DSCAML1: variants seen among roughly 807,000 people sequenced by gnomAD.
DSCAML1 encodes the protein cell adhesion molecule DSCAML1.
DSCAML1 carries 38 observed loss-of-function variants against 200.5 expected under a neutral mutation model. The observed-to-expected ratio is 0.19, with a 90% CI of 0.15 to 0.25. DSCAML1 has a LOEUF of 0.25. Ranked by LOEUF, DSCAML1 falls within the 10% of genes least tolerant of loss-of-function variation. The pLI is 1.00. For synonymous variants in DSCAML1, 1,215 were observed against 1,165.0 expected (o/e 1.04, Z -0.87); for missense variants, 2,223 against 2,858.8 (o/e 0.78, Z 5.07).
intron 3 of DSCAML1, among the ~76,000 whole-genome samples, chr11:117,724,790 AC>A (rs1365064519): frequency 6.6e-6 from 1 of 151,466 alleles, no homozygotes; most frequent in Non-Finnish European, 1.5e-5. Flanking sequence ...CCTTCTCCAC[AC>A]CCCCCTGACA....
At position 117,461,583 on chromosome 11, in the gene DSCAML1, G is replaced by A. The variant is rs2048484037; in HGVS notation, c.3279C>T (p.Pro1093=). ...ATTLEDVPSQ[P]PENVRALSIT... is the part of the protein sequence containing the mutation. ...TGGACAGGGCCCGGACGTTCTCAGG[G>A]GGCTGGCTGGGCACTGCAGGGGGTA... The change falls in exon 18 of 33, where the codon CCC becomes CCT. Residue 1093 remains proline (P), a synonymous_variant. Coordinates refer to ENST00000651296, the MANE Select transcript of DSCAML1 (RefSeq NM_020693.4). 6.2e-7 allele frequency: 1 copy of A among 1,613,018 alleles called. No individual in the cohort carries two copies. The highest frequency in any genetic ancestry group is 2.2e-5 in the East Asian group (1 of 44,880).
chr11:117,439,535 G>A (rs1422824214), intron 22 of DSCAML1, 106 bp from the exon 23 acceptor site: 8 of 1,404,522 alleles, frequency 5.7e-6, no homozygotes, highest in South Asian at 5.4e-5. Flanking sequence ...AAGGAGGCTC[G>A]CCAGGGAACG....
At position 117,533,546 on chromosome 11, in the gene DSCAML1, C is replaced by T. The variant is rs376984721; in HGVS notation, c.512-1024G>A. ...ATCATTCAAACAGTTCTCAAACACC[C>T]GTTGTGTGCAAGGCAGTGAAGAGGA... On this transcript the variant is annotated intron_variant, in intron 3 of 32. Transcript: ENST00000651296. Among the ~76,000 whole-genome samples, 287 of 152,316 alleles carry T rather than the reference C, an allele frequency of 1.9e-3. 1 individual carries two copies. Among genetic ancestry groups the T allele is most frequent in the African/African-American group, 6.6e-3 (274 of 41,570 alleles).
Position 117,505,757 on chromosome 11 carries a change from G to T in DSCAML1, c.1784-25C>A, listed in dbSNP as rs371258061. 3.1e-6 allele frequency: 5 copies of T among 1,594,776 alleles called. No individual in the cohort carries two copies. The highest frequency in any genetic ancestry group is 4.3e-6 in the Non-Finnish European group (5 of 1,170,348). ...ACTGGGAAGGCAAGCGGGTGCTGCC[G>T]TCAGGACCCTGTGCATTCTCACCTG... is the stretch of plus-strand genomic sequence containing the variant. On this transcript the variant is annotated intron_variant, in intron 8 of 32. Coordinates refer to ENST00000651296, the MANE Select transcript of DSCAML1 (RefSeq NM_020693.4). The surrounding 1 kb of genome is among the most constrained non-coding windows in gnomAD (Gnocchi z 6.7).
chr11:117,638,267 C>T (rs1361841653), intron 3 of DSCAML1, among the ~76,000 whole-genome samples: 1 of 151,324 alleles, frequency 6.6e-6, no homozygotes, highest in Non-Finnish European at 1.5e-5. Context: ...ACCCCTTAGT[C>T]TTAGCAAACT....
At chr11:117,759,074 A>G (rs2054751228) in intron 3 of DSCAML1, among the ~76,000 whole-genome samples, 1 of 152,076 alleles carries the variant, frequency 6.6e-6, no homozygotes, top group Admixed American at 6.5e-5. Context: ...ACCTTAGAGG[A>G]CCCCAATACA....
chr11:117,494,672 T>C (rs960408849), intron 11 of DSCAML1, among the ~76,000 whole-genome samples: 1 of 152,158 alleles, frequency 6.6e-6, no homozygotes, highest in African/African-American at 2.4e-5. Flanking sequence ...AATAAGGTCT[T>C]TGCAGATGTA....
rs1565280643 is a variant in DSCAML1, at chr11:117,780,232, G to GAAA, written c.364+258_364+260dup. 1.0e-4 allele frequency among the ~76,000 whole-genome samples: 3 copies of GAAA among 29,570 alleles called. No homozygotes were observed. The Admixed American group carries it at 1.1e-3, about 11-fold the overall frequency. The allele number at this position is 29,570 out of a possible 152,430, so 19.4% of individuals were successfully genotyped here. ...AAGAGAGAGAGAGAAAGAAAGAAAG[G>GAAA]AAAGAAAGAAAGAAAGAAAGAAAGA... On this transcript the variant is annotated intron_variant, in intron 2 of 32. Transcript: ENST00000651296. The surrounding 1 kb of genome is among the most constrained non-coding windows in gnomAD (Gnocchi z 4.8).
chr11:117,680,391 T>C (rs1234013982), intron 3 of DSCAML1, among the ~76,000 whole-genome samples: 1 of 152,208 alleles, frequency 6.6e-6, no homozygotes, highest in East Asian at 1.9e-4. Context: ...CCCACTCCCC[T>C]GCACAAGGTC....
At chr11:117,791,324 A>G (rs1385424485) in intron 1 of DSCAML1, among the ~76,000 whole-genome samples, 5 of 152,204 alleles carry the variant, frequency 3.3e-5, no homozygotes, top group Non-Finnish European at 7.3e-5. Flanking sequence ...CTGCCTGAAA[A>G]ATAGAGGTTC....
rs756966535 is a variant in DSCAML1, at chr11:117,469,576, C to G, written c.3024+334G>C. ...ACTTGGCACAAAATCAAACCTACTTCCAACCTTATTACAACATGTGGGGTT... is the reference window on the plus strand; with the variant it reads ...ACTTGGCACAAAATCAAACCTACTTGCAACCTTATTACAACATGTGGGGTT... On this transcript the variant is annotated intron_variant, in intron 16 of 32. Coordinates refer to ENST00000651296, the MANE Select transcript of DSCAML1 (RefSeq NM_020693.4). This position sits in a 1 kb window ranked among gnomAD's most constrained non-coding sequence, Gnocchi z 4.1. 2.0e-5 allele frequency among the ~76,000 whole-genome samples: 3 copies of G among 152,168 alleles called. No homozygotes were observed. Among genetic ancestry groups the G allele is most frequent in the African/African-American group, 7.2e-5 (3 of 41,416 alleles).
chr11:117,557,890 T>C (rs2050587772), intron 3 of DSCAML1, among the ~76,000 whole-genome samples: 1 of 151,766 alleles, frequency 6.6e-6, no homozygotes, highest in Non-Finnish European at 1.5e-5. Flanking sequence ...GTGGAGGCAT[T>C]TTTGGTTGTC....
chr11:117,790,806 G>A (rs67682808), intron 1 of DSCAML1, among the ~76,000 whole-genome samples: 3,154 of 152,274 alleles, frequency 0.021, 48 homozygotes, highest in Non-Finnish European at 0.033. Context: ...ACTTGCCCAG[G>A]TAAGACAGGC....
intron 3 of DSCAML1, among the ~76,000 whole-genome samples, chr11:117,713,583 C>A (rs1348450033): frequency 1.3e-5 from 2 of 152,208 alleles, no homozygotes; most frequent in African/African-American, 4.8e-5. Flanking sequence ...CTCCCAGAGC[C>A]ATTTGAGCTG....
intron 21 of DSCAML1, among the ~76,000 whole-genome samples, chr11:117,440,786 T>C (rs888293916): frequency 1.3e-5 from 2 of 151,966 alleles, no homozygotes; most frequent in African/African-American, 2.4e-5. Flanking sequence ...CCGGGCACGA[T>C]GGCAGGTGCC....
Position 117,505,745 on chromosome 11 carries a change from G to T in DSCAML1, c.1784-13C>A. On this transcript the variant is annotated splice_polypyrimidine_tract_variant and intron_variant, in intron 8 of 32. Coordinates refer to ENST00000651296, the MANE Select transcript of DSCAML1 (RefSeq NM_020693.4). This position sits in a 1 kb window ranked among gnomAD's most constrained non-coding sequence, Gnocchi z 6.7. ...ATCAGAGGGGGCACTGGGAAGGCAA[G>T]CGGGTGCTGCCGTCAGGACCCTGTG... The T allele has an allele frequency of 6.2e-7, 1 of 1,602,870 alleles. No homozygotes were observed.
At chr11:117,539,589 CA>C (rs1173722678) in intron 3 of DSCAML1, among the ~76,000 whole-genome samples, 3 of 36,558 alleles carry the variant, frequency 8.2e-5, no homozygotes, top group African/African-American at 2.3e-4. Context: ...GCCTGGGCAA[CA>C]AGAGTAAAAC....
intron 3 of DSCAML1, among the ~76,000 whole-genome samples, chr11:117,562,846 C>T (rs1565790844): frequency 6.6e-6 from 1 of 152,192 alleles, no homozygotes; most frequent in East Asian, 1.9e-4. Context: ...GTTCTCCTGC[C>T]TCAGCCTCCT....
intron 27 of DSCAML1, 140 bp from the exon 28 acceptor site, chr11:117,433,611 T>C: frequency 2.3e-6 from 2 of 856,996 alleles, no homozygotes; most frequent in Non-Finnish European, 3.5e-6. Flanking sequence ...GAAGGAGAAA[T>C]GTAAGGACCT....
Sources: allele counts gnomAD v4.1 joint callset (sites outside exome capture counted in the v4.1 genomes callset), GRCh38; gene constraint gnomAD v4.1.1; non-coding constraint Gnocchi (gnomAD v3.1); transcripts MANE v1.5; gene names NCBI Gene and HGNC (gene_info 2026-07-23, HGNC 2026-07-21).